The following PTPRD variants were observed in gnomAD, a reference collection of about 807,000 sequenced individuals.
PTPRD encodes receptor-type tyrosine-protein phosphatase delta.
A neutral mutation model predicts 214.5 loss-of-function variants in PTPRD; 34 were observed. The observed-to-expected ratio is 0.16, with a 90% confidence interval of 0.12 to 0.21. The LOEUF (loss-of-function observed/expected upper bound fraction) is 0.21, where lower values mean the gene tolerates loss of function less well. Among genes scored for constraint, PTPRD ranks in the 10% least tolerant of loss-of-function variants. The pLI is 1.00. For synonymous variants in PTPRD, 1,128 were observed against 845.7 expected (o/e 1.33, Z -5.79); for missense variants, 2,545 against 2,398.7 (o/e 1.06, Z -1.27).
In PTPRD at chr9:8,536,867, G is replaced by A. The variant is rs943910640; in HGVS notation, c.353-8088C>T. Among the ~76,000 whole-genome samples, 4 of 152,022 alleles carry A rather than the reference G, an allele frequency of 2.6e-5. No homozygotes were observed. The East Asian group carries it at 7.7e-4, about 29-fold the overall frequency. On this transcript the variant is annotated intron_variant, in intron 14 of 45. Transcript: ENST00000381196. Reference sequence around the variant, plus strand: ...GACAGGGAGACAGATCAGTGTCTCAGAGGCTGGAAGGCAGAGGATTATCAT... The same window carrying A: ...GACAGGGAGACAGATCAGTGTCTCAAAGGCTGGAAGGCAGAGGATTATCAT...
intron 2 of PTPRD, among the ~76,000 whole-genome samples, chr9:10,610,296 A>G (rs1172876253): frequency 2.0e-5 from 3 of 152,202 alleles, no homozygotes; most frequent in African/African-American, 4.8e-5. Flanking sequence ...GCACTATGAC[A>G]TAATTACAAC....
chr9:10,391,271 G>T lies in PTPRD; in HGVS notation c.-599-50254C>A, dbSNP rs184945725. ...CAACATATCAGGATGAGAGATATTT[G>T]ATTATTTTTGTGGTTTGGACAATAT... is the stretch of plus-strand genomic sequence containing the variant. On this transcript the variant is annotated intron_variant, in intron 2 of 45. Coordinates refer to ENST00000381196, the MANE Select transcript of PTPRD (RefSeq NM_002839.4). Among the ~76,000 whole-genome samples, 130 of 151,828 alleles carry T rather than the reference G, an allele frequency of 8.6e-4. 1 individual carries two copies. The highest frequency in any genetic ancestry group is 3.4e-3 in the Middle Eastern group (1 of 294).
chr9:8,946,005 T>C (rs1221246750), intron 11 of PTPRD, among the ~76,000 whole-genome samples: 1 of 152,198 alleles, frequency 6.6e-6, no homozygotes, highest in African/African-American at 2.4e-5. Flanking sequence ...AAAGTCCTCC[T>C]AAGCCATGTT....
intron 2 of PTPRD, among the ~76,000 whole-genome samples, chr9:10,473,911 T>G (rs1277199283): frequency 6.6e-6 from 1 of 151,902 alleles, no homozygotes; most frequent in African/African-American, 2.4e-5. Flanking sequence ...TATATTAGAT[T>G]CCCCTTGAAA....
At chr9:10,372,467 A>G (rs1018653461) in intron 2 of PTPRD, among the ~76,000 whole-genome samples, 1 of 152,024 alleles carries the variant, frequency 6.6e-6, no homozygotes, top group South Asian at 2.1e-4. Flanking sequence ...AGCTCATACC[A>G]CTTGTTAGTA....
intron 2 of PTPRD, among the ~76,000 whole-genome samples, chr9:10,475,452 A>C (rs1339261635): frequency 6.6e-6 from 1 of 152,066 alleles, no homozygotes; most frequent in Non-Finnish European, 1.5e-5. Flanking sequence ...GAATCCCTGA[A>C]TATAGGAATA....
At chr9:9,080,898 A>G (rs1313131583) in intron 10 of PTPRD, among the ~76,000 whole-genome samples, 2 of 150,898 alleles carry the variant, frequency 1.3e-5, no homozygotes, top group Non-Finnish European at 3.0e-5. Flanking sequence ...TTTCTTCTTT[A>G]CTCATCTGGC....
intron 3 of PTPRD, among the ~76,000 whole-genome samples, chr9:10,330,698 A>G (rs1007340173): frequency 6.6e-6 from 1 of 151,786 alleles, no homozygotes; most frequent in Non-Finnish European, 1.5e-5. Context: ...AAGTGGTAGT[A>G]ATGTTTACTC....
intron 4 of PTPRD, among the ~76,000 whole-genome samples, chr9:9,984,037 G>A (rs1290558358): frequency 1.3e-5 from 2 of 152,046 alleles, no homozygotes; most frequent in Non-Finnish European, 2.9e-5. Flanking sequence ...AGAAGCAGTA[G>A]CAGTGATTGG....
chr9:9,882,285 G>T (rs150546730), intron 5 of PTPRD, among the ~76,000 whole-genome samples: 1 of 151,966 alleles, frequency 6.6e-6, no homozygotes, highest in Non-Finnish European at 1.5e-5. Flanking sequence ...TTTTCTAGAG[G>T]TTCACTAAGC....
chr9:9,095,711 A>T (rs549728660), intron 10 of PTPRD, among the ~76,000 whole-genome samples: 1 of 152,292 alleles, frequency 6.6e-6, no homozygotes, highest in South Asian at 2.1e-4. Context: ...AAAATAAATT[A>T]AAAATAGAAC....
chr9:9,734,572 C>T lies in PTPRD; in HGVS notation c.-325-1G>A, dbSNP rs2154444787. 1 of 152,032 alleles carries T rather than the reference C, an allele frequency of 6.6e-6. No individual in the cohort carries two copies. Among genetic ancestry groups the T allele is most frequent in the African/African-American group, 2.4e-5 (1 of 41,508 alleles). The allele number at this position is 152,032 out of a possible 1,614,324, so 9.4% of individuals were successfully genotyped here. The stretch of plus-strand genomic sequence containing the variant: ...TACCAGAAGATCAAGGAGTCCAAGC[C>T]TGATAAAAAGCAAAACAGAGGAAAG... On this transcript the variant is annotated splice_acceptor_variant, in intron 6 of 45. Coordinates refer to ENST00000381196, the MANE Select transcript of PTPRD (RefSeq NM_002839.4). LOFTEE classifies it low-confidence loss of function (5UTR_SPLICE).
chr9:8,705,476 T>C (rs1460945537), intron 12 of PTPRD, among the ~76,000 whole-genome samples: 1 of 152,208 alleles, frequency 6.6e-6, no homozygotes, highest in Non-Finnish European at 1.5e-5. Flanking sequence ...TTCCCAGAAG[T>C]TAAGGTATCA....
At chr9:8,956,748 C>A (rs1208285114) in intron 11 of PTPRD, among the ~76,000 whole-genome samples, 1 of 151,742 alleles carries the variant, frequency 6.6e-6, no homozygotes, top group Non-Finnish European at 1.5e-5. Flanking sequence ...TCTAAAAAAT[C>A]CCAATAAAAT....
chr9:9,235,110 T>C (rs1015847684), intron 9 of PTPRD, among the ~76,000 whole-genome samples: 2 of 152,164 alleles, frequency 1.3e-5, no homozygotes, highest in Non-Finnish European at 2.9e-5. Flanking sequence ...CTTATAATCA[T>C]GGCAGAAGTC....
chr9:8,440,369 G>A (rs2095507296), intron 34 of PTPRD, among the ~76,000 whole-genome samples: 1 of 151,422 alleles, frequency 6.6e-6, no homozygotes, highest in Non-Finnish European at 1.5e-5. Context: ...AGGCTGGAGT[G>A]CAGTGGTGCA....
intron 2 of PTPRD, among the ~76,000 whole-genome samples, chr9:10,577,577 C>T (rs2069874872): frequency 6.6e-6 from 1 of 152,230 alleles, no homozygotes; most frequent in East Asian, 1.9e-4. Flanking sequence ...TTTGGACTTA[C>T]AAACTCAAGA....
intron 5 of PTPRD, among the ~76,000 whole-genome samples, chr9:9,882,313 C>A (rs1306245006): frequency 6.6e-6 from 1 of 151,974 alleles, no homozygotes; most frequent in African/African-American, 2.4e-5. Context: ...TGAAACTGAG[C>A]AAAATCTTTG....
rs188154082 is a variant in PTPRD at position 8,891,090 on chromosome 9, G to A, written c.-104+127607C>T. Among the ~76,000 whole-genome samples the A allele has an allele frequency of 1.0e-3, 156 of 151,322 alleles. 1 individual carries two copies. The highest frequency in any genetic ancestry group is 3.5e-3 in the African/African-American group (146 of 41,208). On this transcript the variant is annotated intron_variant, in intron 11 of 45. Transcript: ENST00000381196. ...AATTAGCCCCTGTATTTGAACAGAT[G>A]GGATACATACACCTCTCTCAGAACT... is the stretch of plus-strand genomic sequence containing the variant.
Sources: allele counts gnomAD v4.1 joint callset (sites outside exome capture counted in the v4.1 genomes callset), GRCh38; gene constraint gnomAD v4.1.1; transcripts MANE v1.5; gene names NCBI Gene and HGNC (gene_info 2026-07-23, HGNC 2026-07-21).